Variants in SPOPL observed in about 807,000 individuals in gnomAD.
The protein encoded by SPOPL is speckle type BTB/POZ protein like.
In SPOPL, 23 loss-of-function variants were observed where a neutral mutation model predicts 53.8. That is an observed-to-expected ratio of 0.43 (90% CI 0.31 to 0.61). The LOEUF is 0.61. Ranked by LOEUF, SPOPL falls within the 20% of genes least tolerant of loss-of-function variation. The pLI, the probability that SPOPL is intolerant of heterozygous loss-of-function variation, is 0.12. For synonymous variants in SPOPL, 164 were observed against 149.7 expected (o/e 1.10, Z -0.70); for missense variants, 442 against 466.9 (o/e 0.95, Z 0.49).
intron 10 of SPOPL, 39 bp downstream of exon 10, chr2:138,565,032 ATAAGTGAGAT>A: frequency 6.2e-7 from 1 of 1,610,600 alleles, no homozygotes; most frequent in Non-Finnish European, 8.5e-7. Flanking sequence ...GTTGCTCTAC[ATAAGTGAGAT>A]TAAGTGTTTG....
chr2:138,549,217 G>A (rs1322546310), intron 1 of SPOPL, among the ~76,000 whole-genome samples: 1 of 152,066 alleles, frequency 6.6e-6, no homozygotes, highest in Non-Finnish European at 1.5e-5. Context: ...GCTCTATTAT[G>A]TGGTGTATAT....
intron 8 of SPOPL, among the ~76,000 whole-genome samples, chr2:138,563,367 A>G (rs1454380520): frequency 6.6e-6 from 1 of 152,126 alleles, no homozygotes; most frequent in Admixed American, 6.6e-5. Context: ...CTTTAATCCC[A>G]GCTACTCAGG....
At chr2:138,547,660 C>T (rs1685226059) in intron 1 of SPOPL, among the ~76,000 whole-genome samples, 1 of 152,062 alleles carries the variant, frequency 6.6e-6, no homozygotes, top group South Asian at 2.1e-4. Context: ...TAAAACATAA[C>T]ACATTTATGA....
intron 1 of SPOPL, among the ~76,000 whole-genome samples, chr2:138,547,707 A>G (rs2104889030): frequency 6.6e-6 from 1 of 152,314 alleles, no homozygotes; most frequent in East Asian, 1.9e-4. Context: ...AAATCTCATC[A>G]GCCAGAGATA....
chr2:138,535,142 A>T (rs900012594), intron 1 of SPOPL, among the ~76,000 whole-genome samples: 2 of 152,180 alleles, frequency 1.3e-5, no homozygotes, highest in African/African-American at 4.8e-5. Context: ...ACTGTATTTC[A>T]GCCTGAGTGG....
At chr2:138,541,242 A>T (rs1231959346) in intron 1 of SPOPL, among the ~76,000 whole-genome samples, 1 of 152,126 alleles carries the variant, frequency 6.6e-6, no homozygotes, top group Non-Finnish European at 1.5e-5. Flanking sequence ...TGGTATCAGG[A>T]TGATGCTGGC....
At chr2:138,529,525 TGTGTGTGTGTTTGC>T (rs989287716) in intron 1 of SPOPL, among the ~76,000 whole-genome samples, 1 of 148,474 alleles carries the variant, frequency 6.7e-6, no homozygotes, top group Non-Finnish European at 1.5e-5. Context: ...TGTGTGTGTG[TGTGTGTGTGTTTGC>T]GTGCGCGCGC....
intron 1 of SPOPL, among the ~76,000 whole-genome samples, chr2:138,516,315 T>C (rs1451820427): frequency 6.6e-6 from 1 of 152,072 alleles, no homozygotes; most frequent in African/African-American, 2.4e-5. Flanking sequence ...GAAGGCATAA[T>C]GGGAATAATG....
intron 1 of SPOPL, among the ~76,000 whole-genome samples, chr2:138,522,062 C>G (rs1047069231): frequency 1.3e-5 from 2 of 152,016 alleles, no homozygotes; most frequent in African/African-American, 4.8e-5. Context: ...GGAAGCTGAC[C>G]CGGACCCGCT....
chr2:138,565,053 C>A, intron 10 of SPOPL, 60 bp downstream of exon 10: 1 of 1,583,050 alleles, frequency 6.3e-7, no homozygotes, highest in Non-Finnish European at 8.7e-7. Flanking sequence ...TAAGTGTTTG[C>A]ATAGCCTTTT....
intron 1 of SPOPL, among the ~76,000 whole-genome samples, chr2:138,509,636 A>C (rs1684287323): frequency 6.6e-6 from 1 of 152,134 alleles, no homozygotes; most frequent in South Asian, 2.1e-4. Context: ...AGGTTCACTG[A>C]AGAAGTTGAG....
chr2:138,554,525 G>T, intron 5 of SPOPL: 2 of 1,284,984 alleles, frequency 1.6e-6, no homozygotes, highest in South Asian at 2.5e-5. Context: ...TGCAAGTGGT[G>T]CTGTAGACAG....
chr2:138,511,004 G>A (rs150219794), intron 1 of SPOPL, among the ~76,000 whole-genome samples: 9 of 152,240 alleles, frequency 5.9e-5, no homozygotes, highest in African/African-American at 2.2e-4. Flanking sequence ...AAGCTCAAGT[G>A]GGGCATGGGC....
chr2:138,502,309 G>A (rs1684119831), intron 1 of SPOPL, among the ~76,000 whole-genome samples, 190 bp downstream of exon 1: 1 of 152,014 alleles, frequency 6.6e-6, no homozygotes, highest in African/African-American at 2.4e-5. Context: ...CCCCCGGACC[G>A]CCCTTCCCTC....
chr2:138,517,369 C>G (rs1684461124), intron 1 of SPOPL, among the ~76,000 whole-genome samples: 1 of 152,124 alleles, frequency 6.6e-6, no homozygotes, highest in African/African-American at 2.4e-5. Flanking sequence ...TTCATTGGAG[C>G]ATTAGGCTTT....
intron 1 of SPOPL, among the ~76,000 whole-genome samples, chr2:138,519,425 T>TAA (rs11418970): frequency 5.6e-5 from 8 of 142,412 alleles, no homozygotes; most frequent in East Asian, 4.1e-4. Context: ...TGTTGGGCTT[T>TAA]AAAAAAAAAA....
At chr2:138,552,824 T>C in intron 5 of SPOPL, 143 bp downstream of exon 5, 1 of 1,023,270 alleles carries the variant, frequency 9.8e-7, no homozygotes, top group Non-Finnish European at 1.4e-6. Context: ...AGAAAAAGCT[T>C]AGAAAATTCT....
At chr2:138,520,295 A>G (rs544159173) in intron 1 of SPOPL, among the ~76,000 whole-genome samples, 30 of 152,334 alleles carry the variant, frequency 2.0e-4, no homozygotes, top group Middle Eastern at 3.4e-3. Context: ...CCAGTGCTCA[A>G]GTAAATTTGT....
chr2:138,553,214 T>A (rs1226678223), intron 5 of SPOPL, among the ~76,000 whole-genome samples: 1 of 152,100 alleles, frequency 6.6e-6, no homozygotes, highest in Middle Eastern at 3.2e-3. Flanking sequence ...TTATAAGGTG[T>A]AATTATGTGC....
Sources: gnomAD v4.1 joint callset for allele counts (sites outside exome capture counted in the v4.1 genomes callset) on GRCh38, gnomAD v4.1.1 for gene constraint, MANE v1.5 for transcripts, NCBI Gene and HGNC (gene_info 2026-07-23, HGNC 2026-07-21) for gene names.